The following SNX29 variants were observed in gnomAD, a reference collection of about 807,000 sequenced individuals.
SNX29 encodes the protein sorting nexin 29, also known as sorting nexin-29.
In SNX29, 78 loss-of-function variants were observed where a neutral mutation model predicts 102.1. The ratio of observed to expected loss-of-function variants is 0.76; its 90% CI spans 0.64 to 0.92. The LOEUF is 0.92. Among genes scored for constraint, SNX29 ranks in the 40% least tolerant of loss-of-function variants. The pLI, the probability that SNX29 is intolerant of heterozygous loss-of-function variation, is 0.00. For missense variants in SNX29, 1,280 were observed against 1,061.7 expected (o/e 1.21, Z -2.86); for synonymous variants, 580 against 414.5 (o/e 1.40, Z -4.85).
intron 3 of SNX29, among the ~76,000 whole-genome samples, chr16:12,023,756 A>G (rs1175153847): frequency 2.6e-5 from 4 of 152,196 alleles, no homozygotes; most frequent in Admixed American, 6.5e-5. Context: ...CGTGTATGAC[A>G]TAGTGCTTCC....
At chr16:11,999,010 T>C (rs926662137) in intron 1 of SNX29, among the ~76,000 whole-genome samples, 2 of 152,192 alleles carry the variant, frequency 1.3e-5, no homozygotes, top group Admixed American at 6.6e-5. Context: ...TGCCACGTAG[T>C]GTGTAGAGGC....
intron 13 of SNX29, among the ~76,000 whole-genome samples, chr16:12,186,306 C>G (rs778441368): frequency 3.3e-5 from 5 of 152,162 alleles, no homozygotes; most frequent in African/African-American, 1.2e-4. Flanking sequence ...CCCATGTGCT[C>G]TTCCTGCAGA....
chr16:12,263,258 A>T (rs987180170), intron 14 of SNX29, among the ~76,000 whole-genome samples: 1 of 151,376 alleles, frequency 6.6e-6, no homozygotes, highest in Non-Finnish European at 1.5e-5. Context: ...CAGCCTCCTG[A>T]GTAGCTGGTA....
intron 15 of SNX29, among the ~76,000 whole-genome samples, chr16:12,285,283 G>T (rs1228035639): frequency 6.6e-6 from 1 of 152,154 alleles, no homozygotes; most frequent in African/African-American, 2.4e-5. Context: ...TTTTCTAGCT[G>T]TTTGCCCCAC....
intron 14 of SNX29, among the ~76,000 whole-genome samples, chr16:12,215,648 G>T (rs968474967): frequency 1.3e-5 from 2 of 152,160 alleles, no homozygotes; most frequent in African/African-American, 4.8e-5. Flanking sequence ...TGCCCTAGTT[G>T]GGTGCACTTA....
At chr16:12,559,812 T>TA (rs2078612780) in intron 20 of SNX29, among the ~76,000 whole-genome samples, 1 of 152,170 alleles carries the variant, frequency 6.6e-6, no homozygotes, top group African/African-American at 2.4e-5. Context: ...TTCCAGGCCA[T>TA]TTCCATCATC....
chr16:12,324,716 C>T (rs955359271), intron 15 of SNX29, among the ~76,000 whole-genome samples: 19 of 152,124 alleles, frequency 1.2e-4, no homozygotes, highest in Non-Finnish European at 1.9e-4. Flanking sequence ...CCCAGCCCAT[C>T]TCCTAGTCCC....
chr16:12,222,712 G>A (rs2077509620), intron 14 of SNX29, among the ~76,000 whole-genome samples: 1 of 152,134 alleles, frequency 6.6e-6, no homozygotes. Context: ...AGGACTACAG[G>A]CACCCGCCAC....
intron 20 of SNX29, among the ~76,000 whole-genome samples, chr16:12,568,159 C>T (rs956084286): frequency 1.3e-5 from 2 of 152,136 alleles, no homozygotes; most frequent in African/African-American, 4.8e-5. Flanking sequence ...TAGAAGCGTA[C>T]CTTTGCTGGA....
chr16:12,505,724 A>G (rs924482500), intron 19 of SNX29, among the ~76,000 whole-genome samples: 3 of 110,008 alleles, frequency 2.7e-5, no homozygotes, highest in Non-Finnish European at 5.1e-5. Context: ...TGGGTTCCTT[A>G]GTTTTTATAT....
chr16:12,275,966 C>T (rs906026528), intron 14 of SNX29, among the ~76,000 whole-genome samples: 38 of 148,464 alleles, frequency 2.6e-4, no homozygotes, highest in Admixed American at 3.4e-4. Context: ...CATCTCGGCT[C>T]GCTGCAATCT....
intron 15 of SNX29, among the ~76,000 whole-genome samples, chr16:12,329,961 G>A (rs1475194243): frequency 6.6e-6 from 1 of 152,196 alleles, no homozygotes; most frequent in African/African-American, 2.4e-5. Context: ...ACAGATAGGT[G>A]CAGGAGCTTG....
intron 15 of SNX29, among the ~76,000 whole-genome samples, chr16:12,326,942 G>A (rs1020203010): frequency 1.3e-5 from 2 of 152,182 alleles, no homozygotes; most frequent in African/African-American, 4.8e-5. Context: ...TAGGAATGGG[G>A]GCAGCTGCTG....
chr16:12,552,142 A>G (rs1199825094), intron 20 of SNX29, among the ~76,000 whole-genome samples: 2 of 152,212 alleles, frequency 1.3e-5, no homozygotes, highest in African/African-American at 4.8e-5. Flanking sequence ...GAGAGGCCAC[A>G]TTCCAGTACA....
chr16:12,222,307 T>C (rs2077498666), intron 14 of SNX29, among the ~76,000 whole-genome samples: 1 of 152,212 alleles, frequency 6.6e-6, no homozygotes. Flanking sequence ...ATCTGCCCAC[T>C]GAAACATTCT....
chr16:12,055,991 C>G (rs1038829632), intron 8 of SNX29, among the ~76,000 whole-genome samples: 21 of 152,132 alleles, frequency 1.4e-4, no homozygotes, highest in African/African-American at 4.8e-4. Context: ...AAGCGATTCT[C>G]CTGCCTCAGC....
At chr16:12,268,866 C>G (rs1011931371) in intron 14 of SNX29, among the ~76,000 whole-genome samples, 3 of 152,168 alleles carry the variant, frequency 2.0e-5, no homozygotes, top group Admixed American at 6.6e-5. Flanking sequence ...ACAGAAAACC[C>G]TATGTGTTCT....
At chr16:12,072,033 G>T (rs372788843) in intron 10 of SNX29, among the ~76,000 whole-genome samples, 7 of 152,180 alleles carry the variant, frequency 4.6e-5, no homozygotes, top group Non-Finnish European at 8.8e-5. Flanking sequence ...CTGAGACTTT[G>T]CTGAAGTTGC....
intron 18 of SNX29, among the ~76,000 whole-genome samples, chr16:12,466,175 CA>C (rs1329182362): frequency 1.3e-5 from 2 of 152,164 alleles, no homozygotes; most frequent in African/African-American, 4.8e-5. Context: ...AAATAAAAGG[CA>C]TCCAAATTGG....
Sources: gnomAD v4.1 joint callset for allele counts (sites outside exome capture counted in the v4.1 genomes callset) on GRCh38, gnomAD v4.1.1 for gene constraint, MANE v1.5 for transcripts, NCBI Gene and HGNC (gene_info 2026-07-23, HGNC 2026-07-21) for gene names.